Variants in TDRD7 observed in about 807,000 individuals in gnomAD.
TDRD7 encodes tudor domain-containing protein 7.
In TDRD7, 47 loss-of-function variants were observed where a neutral mutation model predicts 109.8. The ratio of observed to expected loss-of-function variants is 0.43; its 90% confidence interval spans 0.34 to 0.55. TDRD7 has a LOEUF of 0.55. TDRD7 is among the 20% of genes least tolerant of loss of function. TDRD7 has a pLI of 0.03. For synonymous variants in TDRD7, 424 were observed against 457.3 expected, an observed-to-expected ratio of 0.93 and a Z score of 0.93; for missense variants, 1,164 against 1,319.2, an observed-to-expected ratio of 0.88 and a Z score of 1.82.
intron 1 of TDRD7, among the ~76,000 whole-genome samples, chr9:97,423,651 T>C (rs1305817305): frequency 1.3e-5 from 2 of 152,158 alleles, no homozygotes; most frequent in Non-Finnish European, 2.9e-5. Flanking sequence ...AACAGAAACA[T>C]AATGCTATAA....
chr9:97,429,287 C>T (rs948558010), intron 2 of TDRD7, among the ~76,000 whole-genome samples: 1 of 152,174 alleles, frequency 6.6e-6, no homozygotes, highest in Non-Finnish European at 1.5e-5. Context: ...GCCGGTTGAT[C>T]TGTCATTGCT....
chr9:97,473,399 C>G, intron 10 of TDRD7, 93 bp from the exon 11 acceptor site: 1 of 1,541,828 alleles, frequency 6.5e-7, no homozygotes, highest in East Asian at 2.2e-5. Context: ...AATGCAAAGA[C>G]TTGTTATGGG....
intron 1 of TDRD7, among the ~76,000 whole-genome samples, chr9:97,423,573 A>G (rs1448358274): frequency 1.3e-5 from 2 of 150,312 alleles, no homozygotes; most frequent in East Asian, 3.9e-4. Flanking sequence ...CTTACTTTTG[A>G]TATAAATTTC....
chr9:97,422,812 T>A (rs998109285), intron 1 of TDRD7, among the ~76,000 whole-genome samples: 7 of 152,264 alleles, frequency 4.6e-5, no homozygotes, highest in Non-Finnish European at 7.3e-5. Context: ...TCCTTTAATC[T>A]GTTGATGTAG....
Position 97,478,502 on chromosome 9 carries a change from T to C in TDRD7, c.2230T>C (p.Ser744Pro). The change falls in exon 13 of 17, where the codon TCT becomes CCT. Residue 744 changes from serine (S) to proline (P), a missense_variant. Transcript: ENST00000355295. Reference sequence around the variant, plus strand: ...GTTCCTGGACTCTGGCACTGTGACATCTGTAAAAGTGTCAGAGCTCAGGGA... The same window carrying C: ...GTTCCTGGACTCTGGCACTGTGACACCTGTAAAAGTGTCAGAGCTCAGGGA... ...VQFLDSGTVT[S>P]VKVSELREIP... is the part of the protein sequence containing the mutation. 1 of 1,614,002 alleles carries C rather than the reference T, an allele frequency of 6.2e-7. No homozygotes were observed. The highest frequency in any genetic ancestry group is 1.3e-5 in the African/African-American group (1 of 74,998).
intron 6 of TDRD7, among the ~76,000 whole-genome samples, chr9:97,447,462 C>T (rs1828421955): frequency 6.6e-6 from 1 of 152,126 alleles, no homozygotes; most frequent in African/African-American, 2.4e-5. Context: ...TTTTGAGAGG[C>T]ACCCCAGCCT....
chr9:97,478,619 G>T (rs915321341), intron 13 of TDRD7, 46 bp downstream of exon 13: 1 of 1,610,830 alleles, frequency 6.2e-7, no homozygotes, highest in Non-Finnish European at 8.5e-7. Flanking sequence ...AGATTTGGAT[G>T]TGTTCATAAT....
chr9:97,442,587 A>G (rs2118372628), intron 6 of TDRD7, among the ~76,000 whole-genome samples: 1 of 152,330 alleles, frequency 6.6e-6, no homozygotes. Flanking sequence ...TTTTGCTTAC[A>G]TAAGATATAT....
chr9:97,480,996 T>TC, intron 14 of TDRD7, 58 bp downstream of exon 14: 1 of 1,472,604 alleles, frequency 6.8e-7, no homozygotes, highest in Non-Finnish European at 9.5e-7. Flanking sequence ...CTGTCAGGGC[T>TC]CATTTAGTTT....
rs985652071 is a variant in TDRD7 at position 97,428,333 on chromosome 9, C to G, written c.-6-127C>G. ...TTCTCTACCGTGGCAGTTGTTTCCC[C>G]ATATTGTAATTGCACAGAAAGTATG... On this transcript the variant is annotated intron_variant, in intron 1 of 16. Coordinates refer to ENST00000355295, the MANE Select transcript of TDRD7 (RefSeq NM_014290.3). 5 of 956,528 alleles carry G rather than the reference C, an allele frequency of 5.2e-6. No homozygotes were observed. The Admixed American group carries it at 1.0e-4, about 20-fold the overall frequency. 59.3% of individuals were successfully genotyped at this position (956,528 alleles called of 1,614,324 possible).
In TDRD7 at chr9:97,472,314, A is replaced by C. The variant is rs1828932562; in HGVS notation, c.1763A>C (p.Asp588Ala). The C allele has an allele frequency of 6.2e-7, 1 of 1,613,902 alleles. No individual in the cohort carries two copies. The highest frequency in any genetic ancestry group is 1.3e-5 in the African/African-American group (1 of 75,030). Residue 588 changes from aspartate (D) to alanine (A), a missense_variant, in exon 10 of 17, where the codon GAC becomes GCC. Transcript: ENST00000355295. ...KLAGLEVLSD[D>A]PDLVKVVESL... ...TCAGGCTTGGAAGTCCTAAGCGATG[A>C]CCCTGATCTAGTGAAGGTGGTTGAA...
intron 15 of TDRD7, among the ~76,000 whole-genome samples, chr9:97,486,677 C>T (rs144625114): frequency 1.8e-4 from 27 of 152,296 alleles, no homozygotes; most frequent in African/African-American, 6.3e-4. Context: ...TTGCTCTGCT[C>T]CAAAACACTA....
intron 1 of TDRD7, among the ~76,000 whole-genome samples, chr9:97,425,601 G>A (rs913575075): frequency 1.4e-4 from 21 of 151,914 alleles, no homozygotes; most frequent in African/African-American, 4.4e-4. Context: ...GTTAAGTGAC[G>A]CATGACTATA....
At chr9:97,420,340 GC>G (rs1392600478) in intron 1 of TDRD7, among the ~76,000 whole-genome samples, 3 of 110,734 alleles carry the variant, frequency 2.7e-5, no homozygotes, top group Non-Finnish European at 5.0e-5. Context: ...CCACAGAGAA[GC>G]ATAGCTTAAA....
At chr9:97,464,130 G>A (rs1193274383) in intron 7 of TDRD7, among the ~76,000 whole-genome samples, 5 of 152,028 alleles carry the variant, frequency 3.3e-5, no homozygotes, top group South Asian at 4.1e-4. Flanking sequence ...ATCCAGCATC[G>A]ACCCTCACTT....
chr9:97,493,140 C>T (rs73656821), intron 16 of TDRD7, among the ~76,000 whole-genome samples: 4,006 of 152,238 alleles, frequency 0.026, 174 homozygotes, highest in African/African-American at 0.089. Flanking sequence ...ACCCCTTACT[C>T]GCTCACAAAT....
At chr9:97,477,605 A>G (rs1587890140) in intron 12 of TDRD7, among the ~76,000 whole-genome samples, 1 of 152,268 alleles carries the variant, frequency 6.6e-6, no homozygotes, top group East Asian at 1.9e-4. Flanking sequence ...CAAGGTAGAC[A>G]AAAGGTTTGA....
At chr9:97,473,400 T>C (rs1828955430) in intron 10 of TDRD7, 92 bp from the exon 11 acceptor site, 4 of 1,545,544 alleles carry the variant, frequency 2.6e-6, no homozygotes, top group South Asian at 1.1e-5. Flanking sequence ...ATGCAAAGAC[T>C]TGTTATGGGA....
In TDRD7 at chr9:97,412,158, C is replaced by T. The variant is rs1057162423; in HGVS notation, c.-87C>T. ...CGGGGAAACCGAAAGTGGGCGGCGGCCGCGGCGGGGCCCCTGGCGGAGACG... is the reference window on the plus strand; with the variant it reads ...CGGGGAAACCGAAAGTGGGCGGCGGTCGCGGCGGGGCCCCTGGCGGAGACG... On this transcript the variant is annotated 5_prime_UTR_variant, in exon 1 of 17. Transcript: ENST00000355295. The surrounding 1 kb of genome is among the most constrained non-coding windows in gnomAD (Gnocchi z 4.3). 19 of 154,358 alleles carry T rather than the reference C, an allele frequency of 1.2e-4. No homozygotes were observed. The highest frequency in any genetic ancestry group is 2.7e-4 in the Non-Finnish European group (19 of 69,728). The allele number at this position is 154,358 out of a possible 1,614,324, so 9.6% of individuals were successfully genotyped here. A position where few individuals can be genotyped will look rare whatever the true frequency, so the allele number is the denominator to read the frequency against.
Sources: gnomAD v4.1 joint callset for allele counts (sites outside exome capture counted in the v4.1 genomes callset) on GRCh38, gnomAD v4.1.1 for gene constraint, Gnocchi (gnomAD v3.1) non-coding constraint, MANE v1.5 for transcripts, NCBI Gene and HGNC (gene_info 2026-07-23, HGNC 2026-07-21) for gene names.